CECR2: variants seen among roughly 807,000 people sequenced by gnomAD.
CECR2 encodes CECR2 histone acetyl-lysine reader, also known as chromatin remodeling regulator CECR2.
A neutral mutation model predicts 154.5 loss-of-function variants in CECR2; 30 were observed. That is an observed-to-expected ratio of 0.19 (90% CI 0.15 to 0.26). The LOEUF (loss-of-function observed/expected upper bound fraction) is 0.26. Ranked by LOEUF, CECR2 falls within the 10% of genes least tolerant of loss-of-function variation. The pLI is 1.00. For missense variants in CECR2, 1,743 were observed against 1,829.3 expected (o/e 0.95, Z 0.86); for synonymous variants, 725 against 683.7 (o/e 1.06, Z -0.94).
At chr22:17,412,398 G>A (rs530467067) in intron 1 of CECR2, among the ~76,000 whole-genome samples, 2 of 152,048 alleles carry the variant, frequency 1.3e-5, no homozygotes, top group African/African-American at 2.4e-5. Flanking sequence ...TTCATTCCCC[G>A]CCCCACCCCC....
intron 16 of CECR2, among the ~76,000 whole-genome samples, chr22:17,545,374 C>CA (rs695493): frequency 0.043 from 1,960 of 45,882 alleles, 319 homozygotes; most frequent in African/African-American, 0.12. Context: ...GACTCCGTCT[C>CA]AAAAAAAAAA....
At chr22:17,425,512 G>C (rs1292593124) in intron 1 of CECR2, among the ~76,000 whole-genome samples, 1 of 152,152 alleles carries the variant, frequency 6.6e-6, no homozygotes, top group East Asian at 1.9e-4. Context: ...GGCTCTGATA[G>C]GAATAGGACT....
At chr22:17,471,975 C>T (rs1000840552) in intron 1 of CECR2, among the ~76,000 whole-genome samples, 15 of 152,162 alleles carry the variant, frequency 9.9e-5, no homozygotes, top group African/African-American at 3.4e-4. Context: ...TTAGTATTTT[C>T]CAGTTAACCT....
In CECR2 at chr22:17,554,092, T is replaced by C. The variant is rs1021774210; in HGVS notation, c.*1252T>C. On this transcript the variant is annotated 3_prime_UTR_variant, in exon 19 of 19. Coordinates refer to ENST00000262608, the MANE Select transcript of CECR2 (RefSeq NM_001290047.2). ...AGTTCTTGGAATTATCTGTTGTATC[T>C]GTGATAGGAAACCATTTTACAGTAT... The C allele has an allele frequency of 6.6e-6, 1 of 152,226 alleles. No individual in the cohort carries two copies. The highest frequency in any genetic ancestry group is 1.5e-5 in the Non-Finnish European group (1 of 68,040). The allele number at this position is 152,226 out of a possible 1,614,324, so 9.4% of individuals were successfully genotyped here. A position where few individuals can be genotyped will look rare whatever the true frequency, so the allele number is the denominator to read the frequency against.
In CECR2 at chr22:17,556,282, C is replaced by T. The variant is rs1255546301; in HGVS notation, c.*3442C>T. ...CAGAAGGCCTTCTCATGCTCCTCTT[C>T]GTTAGGCTTAGTGAAAACCTTAAGA... On this transcript the variant is annotated 3_prime_UTR_variant, in exon 19 of 19. Transcript: ENST00000262608. The T allele has an allele frequency of 6.6e-6, 1 of 152,174 alleles. No homozygotes were observed. Among genetic ancestry groups the T allele is most frequent in the Non-Finnish European group, 1.5e-5 (1 of 68,052 alleles). 9.4% of individuals were successfully genotyped at this position (152,174 alleles called of 1,614,324 possible).
At chr22:17,458,568 C>T (rs1328710621) in intron 1 of CECR2, among the ~76,000 whole-genome samples, 2 of 151,076 alleles carry the variant, frequency 1.3e-5, no homozygotes, top group Non-Finnish European at 2.9e-5. Context: ...TGGGGAAATT[C>T]TGATGAAGAT....
intron 1 of CECR2, among the ~76,000 whole-genome samples, chr22:17,476,913 A>G (rs2055217172): frequency 6.6e-6 from 1 of 152,218 alleles, no homozygotes. Context: ...TCCCTTTCCA[A>G]ACAATTGCTT....
chr22:17,446,073 A>C (rs1490323491), intron 1 of CECR2, among the ~76,000 whole-genome samples: 2 of 152,184 alleles, frequency 1.3e-5, no homozygotes. Flanking sequence ...CAATGGTGCC[A>C]GCATCACCTA....
At chr22:17,476,410 T>A (rs1286017103) in intron 1 of CECR2, among the ~76,000 whole-genome samples, 1 of 151,942 alleles carries the variant, frequency 6.6e-6, no homozygotes, top group Non-Finnish European at 1.5e-5. Flanking sequence ...CACAGGTGCG[T>A]GCCACCATGC....
chr22:17,548,203 G>GGTCTACCTCACAC lies in CECR2; in HGVS notation c.2917_2929dup (p.Gln977ArgfsTer16), dbSNP rs2056644193. On this transcript the variant is annotated frameshift_variant, in exon 17 of 19. Coordinates refer to ENST00000262608, the MANE Select transcript of CECR2 (RefSeq NM_001290047.2). LOFTEE classifies it high-confidence loss of function. ...CACCAGGTGTTGGTACTTCAGAGGG[G>GGTCTACCTCACAC]GTCTACCTCACACAACTACCTCACC... 6.3e-7 allele frequency: 1 copy of GGTCTACCTCACAC among 1,591,054 alleles called. No individual in the cohort carries two copies. The highest frequency in any genetic ancestry group is 1.4e-5 in the African/African-American group (1 of 74,034).
chr22:17,533,186 C>T (rs1479225944), intron 9 of CECR2, among the ~76,000 whole-genome samples: 2 of 151,414 alleles, frequency 1.3e-5, no homozygotes, highest in African/African-American at 2.4e-5. Flanking sequence ...CATGTTGGTG[C>T]ACTTCTGTAA....
intron 16 of CECR2, among the ~76,000 whole-genome samples, chr22:17,543,732 A>G (rs1387051793): frequency 6.6e-6 from 1 of 150,760 alleles, no homozygotes; most frequent in Non-Finnish European, 1.5e-5. Context: ...GCTAATTTTT[A>G]TATTTTTAGT....
In CECR2 at chr22:17,540,625, T is replaced by A; in HGVS notation, c.1709T>A (p.Met570Lys). The change falls in exon 14 of 19, where the codon ATG becomes AAG. Residue 570 changes from methionine to lysine, a missense_variant. Met to Lys is a moderately conservative substitution (Grantham distance 95). This residue lies in a region of CECR2 where 1,250 missense variants were observed against 1,192.1 expected (regional missense o/e 1.05). Coordinates refer to ENST00000262608, the MANE Select transcript of CECR2 (RefSeq NM_001290047.2). ...GGGTCCAGCAGGAAACAGCAGCCCA[T>A]GGAGAATGGAGGAAAGTCGTTGCCC... ...PEGSSRKQQP[M>K]ENGGKSLPPT... The A allele has an allele frequency of 6.2e-7, 1 of 1,613,790 alleles. No individual in the cohort carries two copies.
chr22:17,541,579 C>T (rs1318969502), intron 14 of CECR2, among the ~76,000 whole-genome samples: 2 of 152,060 alleles, frequency 1.3e-5, no homozygotes, highest in African/African-American at 4.8e-5. Flanking sequence ...TAAAATGGAT[C>T]CTTGGGAGGA....
At chr22:17,363,330 T>C (rs890314678) in intron 1 of CECR2, among the ~76,000 whole-genome samples, 3 of 151,898 alleles carry the variant, frequency 2.0e-5, no homozygotes, top group African/African-American at 7.3e-5. Context: ...CTCAGCCTCC[T>C]GAGTAGCTAG....
intron 1 of CECR2, among the ~76,000 whole-genome samples, chr22:17,394,821 A>G (rs1275305452): frequency 5.9e-5 from 9 of 152,136 alleles, no homozygotes; most frequent in African/African-American, 2.2e-4. Flanking sequence ...TCTTTCAACA[A>G]TGTTTTATAC....
upstream of CECR2, among the ~76,000 whole-genome samples, chr22:17,366,457 G>A (rs942626269): frequency 2.6e-5 from 4 of 152,194 alleles, no homozygotes; most frequent in African/African-American, 9.6e-5. Context: ...AAAGTGCTGA[G>A]ATTACAGGCG....
chr22:17,540,406 C>CT lies in CECR2; in HGVS notation c.1496-5dup, dbSNP rs1433550376. On this transcript the variant is annotated splice_region_variant and splice_polypyrimidine_tract_variant and intron_variant, in intron 13 of 18. Transcript: ENST00000262608. ...CCTAGAAGTCAATCCTCCTGTCTTCCTATAGAGTATACCAAGATGTCTGAT... is the reference window on the plus strand; with the variant it reads ...CCTAGAAGTCAATCCTCCTGTCTTCCTTATAGAGTATACCAAGATGTCTGAT... 6.6e-7 allele frequency: 1 copy of CT among 1,521,624 alleles called. No individual in the cohort carries two copies. The highest frequency in any genetic ancestry group is 1.4e-5 in the South Asian group (1 of 73,422). 94.3% of individuals were successfully genotyped at this position (1,521,624 alleles called of 1,614,324 possible). A position where few individuals can be genotyped will look rare whatever the true frequency, so the allele number is the denominator to read the frequency against.
intron 2 of CECR2, among the ~76,000 whole-genome samples, chr22:17,480,574 T>C (rs927760763): frequency 6.6e-6 from 1 of 152,178 alleles, no homozygotes; most frequent in African/African-American, 2.4e-5. Flanking sequence ...TTTACTTTTT[T>C]CCCTGAAGGG....
Sources: gnomAD v4.1 joint callset for allele counts (sites outside exome capture counted in the v4.1 genomes callset) on GRCh38, gnomAD v4.1.1 for gene constraint, gnomAD v4.1.1 regional missense constraint, MANE v1.5 for transcripts, NCBI Gene and HGNC (gene_info 2026-07-23, HGNC 2026-07-21) for gene names.